TMEM132B: variants seen among roughly 807,000 people sequenced by gnomAD.
TMEM132B encodes transmembrane protein 132B.
A neutral mutation model predicts 90.8 loss-of-function variants in TMEM132B; 18 were observed. The observed-to-expected ratio is 0.20, with a 90% confidence interval of 0.14 to 0.29. The LOEUF is 0.29. Ranked by LOEUF, TMEM132B falls within the 10% of genes least tolerant of loss-of-function variation. The probability of loss-of-function intolerance (pLI) is 1.00; values close to 1 mark genes in which losing one functional copy is unlikely to be tolerated. For missense variants in TMEM132B, 1,096 were observed against 1,326.8 expected (o/e 0.83, Z 2.70); for synonymous variants, 504 against 523.3 (o/e 0.96, Z 0.50).
intron 2 of TMEM132B, among the ~76,000 whole-genome samples, chr12:125,385,285 T>A (rs1347961640): frequency 6.6e-6 from 1 of 152,190 alleles, no homozygotes; most frequent in African/African-American, 2.4e-5. Flanking sequence ...TTCTTCTTGA[T>A]AATATTTGAA....
intron 1 of TMEM132B, among the ~76,000 whole-genome samples, chr12:125,188,710 C>T (rs957360631): frequency 3.9e-5 from 6 of 151,924 alleles, no homozygotes; most frequent in Non-Finnish European, 5.9e-5. Context: ...CAGCTCGTTC[C>T]GACAAATGCC....
chr12:125,304,112 G>C (rs1188331436), intron 1 of TMEM132B, among the ~76,000 whole-genome samples: 1 of 152,224 alleles, frequency 6.6e-6, no homozygotes, highest in African/African-American at 2.4e-5. Context: ...ACACAACCTA[G>C]ATCCCTCGCA....
chr12:125,230,868 A>G (rs1873804327), intron 1 of TMEM132B, among the ~76,000 whole-genome samples: 1 of 152,096 alleles, frequency 6.6e-6, no homozygotes, highest in Non-Finnish European at 1.5e-5. Context: ...CAGTGAAGAT[A>G]AAGGTGAATC....
intron 1 of TMEM132B, among the ~76,000 whole-genome samples, chr12:125,194,270 G>A (rs569487580): frequency 9.4e-5 from 14 of 149,560 alleles, no homozygotes; most frequent in African/African-American, 3.2e-4. Flanking sequence ...TAACCCGTTG[G>A]TGGGGGGGTC....
At chr12:125,314,740 T>A (rs1206391340) in intron 1 of TMEM132B, among the ~76,000 whole-genome samples, 1 of 152,200 alleles carries the variant, frequency 6.6e-6, no homozygotes, top group Non-Finnish European at 1.5e-5. Flanking sequence ...GGTTAGGAGC[T>A]GGGATGAGAT....
At chr12:125,312,441 C>G (rs905948029) in intron 1 of TMEM132B, among the ~76,000 whole-genome samples, 2 of 152,186 alleles carry the variant, frequency 1.3e-5, no homozygotes, top group Non-Finnish European at 2.9e-5. Context: ...GATGCCTGGG[C>G]TTGAACTCCC....
At chr12:125,429,256 G>A (rs1196972286) in intron 3 of TMEM132B, among the ~76,000 whole-genome samples, 1 of 151,140 alleles carries the variant, frequency 6.6e-6, no homozygotes, top group Non-Finnish European at 1.5e-5. Flanking sequence ...CTGGAATGCA[G>A]TGGCATGATC....
chr12:125,582,862 C>T (rs1013598740), intron 4 of TMEM132B, among the ~76,000 whole-genome samples: 7 of 152,094 alleles, frequency 4.6e-5, no homozygotes, highest in Non-Finnish European at 1.0e-4. Flanking sequence ...GGGAAGTACC[C>T]TGTGGTAGAT....
At chr12:125,373,303 T>C (rs1566016484) in intron 2 of TMEM132B, among the ~76,000 whole-genome samples, 1 of 152,204 alleles carries the variant, frequency 6.6e-6, no homozygotes, top group Admixed American at 6.5e-5. Context: ...AAAGTTCCTG[T>C]GTTGAAGCCC....
In TMEM132B at chr12:125,213,316, G is replaced by A. The variant is rs1032243862; in HGVS notation, c.67+26450G>A. On this transcript the variant is annotated intron_variant, in intron 1 of 8. Coordinates refer to ENST00000682704, the MANE Select transcript of TMEM132B (RefSeq NM_001366854.1). The surrounding 1 kb of genome is among the most constrained non-coding windows in gnomAD (Gnocchi z 4.2). ...CGGATATGCCACCTTTTGTTTATCC[G>A]TTCATCTGTTAGTGGGTGTTTGGGT... is the stretch of plus-strand genomic sequence containing the variant. 6.6e-6 allele frequency among the ~76,000 whole-genome samples: 1 copy of A among 152,138 alleles called. No individual in the cohort carries two copies. Among genetic ancestry groups the A allele is most frequent in the Non-Finnish European group, 1.5e-5 (1 of 68,036 alleles).
In TMEM132B at chr12:125,498,215, G is replaced by A. The variant is rs953570119; in HGVS notation, c.1107-21224G>A. On this transcript the variant is annotated intron_variant, in intron 3 of 8. Transcript: ENST00000682704. This position sits in a 1 kb window ranked among gnomAD's most constrained non-coding sequence, Gnocchi z 4.5. ...GTATATTTCTATGTCCTGGTCAGAA[G>A]GCTGGGAGGATAATGAGAAGAACAG... is the stretch of plus-strand genomic sequence containing the variant. Among the ~76,000 whole-genome samples, 1 of 152,230 alleles carries A rather than the reference G, an allele frequency of 6.6e-6. No individual in the cohort carries two copies. The highest frequency in any genetic ancestry group is 1.5e-5 in the Non-Finnish European group (1 of 68,044).
At chr12:125,346,181 C>T (rs1261817120) in intron 1 of TMEM132B, among the ~76,000 whole-genome samples, 1 of 151,938 alleles carries the variant, frequency 6.6e-6, no homozygotes, top group Non-Finnish European at 1.5e-5. Flanking sequence ...GCTTTGGCTA[C>T]AATGAAGAAG....
chr12:125,434,061 G>C (rs1048471206), intron 3 of TMEM132B, among the ~76,000 whole-genome samples: 1 of 152,088 alleles, frequency 6.6e-6, no homozygotes, highest in African/African-American at 2.4e-5. Flanking sequence ...AATAAATTTC[G>C]CGGGGTGTTA....
At position 125,657,013 on chromosome 12, in the gene TMEM132B, G is replaced by A. The variant is rs1376972352; in HGVS notation, c.*2303G>A. The A allele has an allele frequency of 6.6e-6, 1 of 152,250 alleles. No homozygotes were observed. Among genetic ancestry groups the A allele is most frequent in the Non-Finnish European group, 1.5e-5 (1 of 68,072 alleles). 9.4% of individuals were successfully genotyped at this position (152,250 alleles called of 1,614,324 possible). The stretch of plus-strand genomic sequence containing the variant: ...GTGAAGGAAATTATCCCTGCCATGG[G>A]GAGTGTTATTCAGGAACATAAAAAT... On this transcript the variant is annotated 3_prime_UTR_variant, in exon 9 of 9. Coordinates refer to ENST00000682704, the MANE Select transcript of TMEM132B (RefSeq NM_001366854.1).
chr12:125,493,966 CCG>C (rs1882431064), intron 3 of TMEM132B, among the ~76,000 whole-genome samples: 1 of 125,628 alleles, frequency 8.0e-6, no homozygotes, highest in African/African-American at 3.1e-5. Context: ...CTGGAAATGG[CCG>C]CATCCCTCCT....
At chr12:125,320,525 T>A (rs1250824841) in intron 1 of TMEM132B, among the ~76,000 whole-genome samples, 2 of 152,038 alleles carry the variant, frequency 1.3e-5, no homozygotes, top group Non-Finnish European at 2.9e-5. Flanking sequence ...ACATTAGGGG[T>A]TCCTGGTGGC....
At chr12:125,453,376 G>A (rs1009560556) in intron 3 of TMEM132B, among the ~76,000 whole-genome samples, 3 of 152,064 alleles carry the variant, frequency 2.0e-5, no homozygotes, top group Admixed American at 1.3e-4. Flanking sequence ...AAAATGGATC[G>A]CAGTGTGTCT....
intron 1 of TMEM132B, among the ~76,000 whole-genome samples, chr12:125,321,383 G>A (rs1046329970): frequency 2.6e-5 from 4 of 152,062 alleles, no homozygotes; most frequent in African/African-American, 9.7e-5. Context: ...AAAAAACCTG[G>A]CGATATCAAG....
intron 3 of TMEM132B, among the ~76,000 whole-genome samples, chr12:125,436,866 C>T (rs1354960646): frequency 1.3e-5 from 2 of 152,156 alleles, no homozygotes; most frequent in African/African-American, 4.8e-5. Flanking sequence ...GGTTCCAGCC[C>T]ATCTTCTCCA....
Sources: gnomAD v4.1 joint callset for allele counts (sites outside exome capture counted in the v4.1 genomes callset) on GRCh38, gnomAD v4.1.1 for gene constraint, Gnocchi (gnomAD v3.1) non-coding constraint, MANE v1.5 for transcripts, NCBI Gene and HGNC (gene_info 2026-07-23, HGNC 2026-07-21) for gene names.